The following STARD13 variants were observed in gnomAD, a reference collection of about 807,000 sequenced individuals.
The protein encoded by STARD13 is stAR-related lipid transfer protein 13.
A neutral mutation model predicts 106.4 loss-of-function variants in STARD13; 62 were observed. The observed-to-expected ratio is 0.58, with a 90% CI of 0.48 to 0.72. STARD13 has a LOEUF of 0.72. STARD13 is among the 30% of genes least tolerant of loss of function. The probability of loss-of-function intolerance (pLI) is 0.00; values close to 1 mark genes in which losing one functional copy is unlikely to be tolerated. For missense variants in STARD13, 1,387 were observed against 1,424.0 expected (o/e 0.97, Z 0.42); for synonymous variants, 565 against 553.0 (o/e 1.02, Z -0.31).
the STARD13 span, among the ~76,000 whole-genome samples, chr13:33,531,052 C>T: frequency 1.3e-5 from 2 of 152,132 alleles, no homozygotes; most frequent in East Asian, 3.9e-4. Flanking sequence ...GTAACTGAAT[C>T]ATGAGGGCAG....
At chr13:33,204,678 C>G (rs1052804714) in intron 1 of STARD13, among the ~76,000 whole-genome samples, 3 of 152,368 alleles carry the variant, frequency 2.0e-5, no homozygotes, top group Non-Finnish European at 2.9e-5. Context: ...CCATCAGTCT[C>G]TGCACCAGCT....
chr13:33,174,210 T>C (rs1685160900), intron 1 of STARD13, among the ~76,000 whole-genome samples: 4 of 152,168 alleles, frequency 2.6e-5, no homozygotes, highest in South Asian at 2.1e-4. Context: ...ATATGACATA[T>C]ACGTAAACAA....
chr13:33,358,070 C>T, the STARD13 span, among the ~76,000 whole-genome samples: 6 of 152,128 alleles, frequency 3.9e-5, no homozygotes, highest in Middle Eastern at 3.4e-3. Context: ...GCCCCACACT[C>T]GGAGCAGCCA....
chr13:33,422,259 A>C, the STARD13 span, among the ~76,000 whole-genome samples: 1 of 152,346 alleles, frequency 6.6e-6, no homozygotes, highest in Admixed American at 6.5e-5. Context: ...CTCAGGATAC[A>C]AAATCAATGT....
At chr13:33,503,366 T>C in the STARD13 span, among the ~76,000 whole-genome samples, 1 of 152,214 alleles carries the variant, frequency 6.6e-6, no homozygotes, top group Non-Finnish European at 1.5e-5. Context: ...AAGGGTTTTT[T>C]GTGTCTCTAT....
At chr13:33,121,846 A>ATT (rs200887879) in intron 7 of STARD13, among the ~76,000 whole-genome samples, 2 of 143,366 alleles carry the variant, frequency 1.4e-5, no homozygotes, top group African/African-American at 2.6e-5. Context: ...CGCCCAGCTA[A>ATT]TTTTTTTTTT....
At chr13:33,349,317 G>A in intron 1 of STARD13, 1 of 693,460 alleles carries the variant, frequency 1.4e-6, no homozygotes, top group Non-Finnish European at 2.6e-6. Flanking sequence ...GCATCTTCCA[G>A]CAGCCAACAT....
At chr13:33,628,102 T>A in the STARD13 span, among the ~76,000 whole-genome samples, 4 of 150,372 alleles carry the variant, frequency 2.7e-5, no homozygotes, top group African/African-American at 9.8e-5. Context: ...GGTAATGAGT[T>A]GGGATAAATA....
At chr13:33,458,329 G>A in the STARD13 span, among the ~76,000 whole-genome samples, 1 of 150,678 alleles carries the variant, frequency 6.6e-6, no homozygotes, top group Non-Finnish European at 1.5e-5. Flanking sequence ...CTGGAGTGCA[G>A]TGGCTCAATC....
chr13:33,416,518 G>C, the STARD13 span, among the ~76,000 whole-genome samples: 3 of 152,170 alleles, frequency 2.0e-5, no homozygotes, highest in Non-Finnish European at 4.4e-5. Context: ...TGATGGACAG[G>C]GAGTAGAAAC....
chr13:33,468,627 T>G, the STARD13 span, among the ~76,000 whole-genome samples: 1 of 142,824 alleles, frequency 7.0e-6, no homozygotes, highest in African/African-American at 2.5e-5. Flanking sequence ...CCTTCTGCCA[T>G]GGGATGGCAA....
At chr13:33,216,672 C>G (rs906386659) in intron 1 of STARD13, among the ~76,000 whole-genome samples, 1 of 152,080 alleles carries the variant, frequency 6.6e-6, no homozygotes, top group Non-Finnish European at 1.5e-5. Context: ...AAGGAACTTG[C>G]TCATGTAACC....
At chr13:33,630,316 T>C in the STARD13 span, among the ~76,000 whole-genome samples, 1 of 152,194 alleles carries the variant, frequency 6.6e-6, no homozygotes. Flanking sequence ...CCTTTCCCTC[T>C]GCCTATTTTA....
chr13:33,203,269 A>G (rs1356118046), intron 1 of STARD13, among the ~76,000 whole-genome samples: 2 of 152,068 alleles, frequency 1.3e-5, no homozygotes, highest in African/African-American at 4.8e-5. Context: ...TTTGCAGTAC[A>G]CTAAGCTGTG....
the STARD13 span, among the ~76,000 whole-genome samples, chr13:33,401,580 G>C: frequency 2.1e-3 from 322 of 152,306 alleles, no homozygotes; most frequent in African/African-American, 7.6e-3. Context: ...CTTCAGGATA[G>C]TCCAGGGTGC....
chr13:33,250,770 A>G lies in STARD13; in HGVS notation c.169+34700T>C, dbSNP rs1298774035. 2.6e-5 allele frequency among the ~76,000 whole-genome samples: 4 copies of G among 152,346 alleles called. No homozygotes were observed. In the East Asian group the frequency reaches 7.7e-4, roughly 29 times the overall value. ...CAACCAGTACACTTGCTCTCTTCCT[A>G]TGAAGCATCCCTTCCAGATGTCTTG... On this transcript the variant is annotated intron_variant, in intron 1 of 13. Transcript: ENST00000336934.
At chr13:33,589,203 T>A in the STARD13 span, among the ~76,000 whole-genome samples, 1 of 152,216 alleles carries the variant, frequency 6.6e-6, no homozygotes, top group South Asian at 2.1e-4. Context: ...TCTTTATTAA[T>A]CTTGCTAGTG....
chr13:33,453,881 T>C, the STARD13 span, among the ~76,000 whole-genome samples: 10 of 152,218 alleles, frequency 6.6e-5, no homozygotes, highest in Non-Finnish European at 4.4e-5. Context: ...ACAAAGGTGC[T>C]GATGAGTAGT....
intron 1 of STARD13, among the ~76,000 whole-genome samples, chr13:33,249,816 G>T (rs1288577429): frequency 6.6e-6 from 1 of 151,932 alleles, no homozygotes; most frequent in African/African-American, 2.4e-5. Flanking sequence ...TAGAGACAGG[G>T]TCTTACTGTG....
Sources: gnomAD v4.1 joint callset for allele counts (sites outside exome capture counted in the v4.1 genomes callset) on GRCh38, gnomAD v4.1.1 for gene constraint, MANE v1.5 for transcripts, NCBI Gene and HGNC (gene_info 2026-07-23, HGNC 2026-07-21) for gene names.